The following CHRD variants were observed in gnomAD, a reference collection of about 807,000 sequenced individuals.
CHRD encodes the protein chordin.
CHRD carries 69 observed loss-of-function variants against 113.7 expected under a neutral mutation model. The ratio of observed to expected loss-of-function variants is 0.61; its 90% CI spans 0.50 to 0.74. The LOEUF (loss-of-function observed/expected upper bound fraction) is 0.74, where lower values mean the gene tolerates loss of function less well. Among genes scored for constraint, CHRD ranks in the 30% least tolerant of loss-of-function variants. CHRD has a pLI of 0.00. For synonymous variants in CHRD, 561 were observed against 540.8 expected, an observed-to-expected ratio of 1.04 and a Z score of -0.52; for missense variants, 1,194 against 1,295.8, an observed-to-expected ratio of 0.92 and a Z score of 1.21.
rs1010020967 is a variant in CHRD at position 184,381,579 on chromosome 3, G to T, written c.466G>T (p.Gly156Trp). 1.2e-6 allele frequency: 2 copies of T among 1,608,278 alleles called. No individual in the cohort carries two copies. The highest frequency in any genetic ancestry group is 8.5e-7 in the Non-Finnish European group (1 of 1,177,664). Residue 156 changes from glycine (G) to tryptophan (W), a missense_variant, in exon 4 of 23, where the codon GGG (glycine) becomes TGG (tryptophan). Physicochemically the swap from Gly to Trp is radical, Grantham distance 184 (BLOSUM62 -2). Transcript: ENST00000204604. The surrounding 1 kb of genome is among the most constrained non-coding windows in gnomAD (Gnocchi z 4.7). ...GGAGCATCGCAGTTATAGCGACCGC[G>T]GGGAGCCAGGCGCTGAGGAGCGGGC... is the stretch of plus-strand genomic sequence containing the variant.
Position 184,388,116 on chromosome 3 carries a change from A to G in CHRD, c.2554+83A>G. ...TGGGTGAGGGGAAGGGTGCTCAGTT[A>G]ATTGAGCATTATACTGAGCACTGCT... On this transcript the variant is annotated intron_variant, in intron 20 of 22. Transcript: ENST00000204604. The surrounding 1 kb of genome is among the most constrained non-coding windows in gnomAD (Gnocchi z 6.1). 1 of 1,193,130 alleles carries G rather than the reference A, an allele frequency of 8.4e-7. No individual in the cohort carries two copies. The highest frequency in any genetic ancestry group is 1.3e-5 in the South Asian group (1 of 77,632). The allele number at this position is 1,193,130 out of a possible 1,614,324, so 73.9% of individuals were successfully genotyped here. A position where few individuals can be genotyped will look rare whatever the true frequency, so the allele number is the denominator to read the frequency against.
intron 15 of CHRD, 44 bp from the exon 16 acceptor site, chr3:184,386,448 C>T (rs753353762): frequency 1.9e-5 from 29 of 1,529,924 alleles, no homozygotes; most frequent in South Asian, 8.6e-5. Flanking sequence ...GGTAAAGACG[C>T]GAGGGGGAGC....
Position 184,384,693 on chromosome 3 carries a change from A to G in CHRD, c.1597A>G (p.Thr533Ala). 2 of 1,556,798 alleles carry G rather than the reference A, an allele frequency of 1.3e-6. No individual in the cohort carries two copies. Among genetic ancestry groups the G allele is most frequent in the Non-Finnish European group, 1.7e-6 (2 of 1,152,322 alleles). Residue 533 changes from threonine to alanine, a missense_variant and splice_region_variant, in exon 13 of 23, where the codon ACG becomes GCG. Transcript: ENST00000204604. The surrounding 1 kb of genome is among the most constrained non-coding windows in gnomAD (Gnocchi z 4.4). ...CTGTGGGCATAGCGCCCGCCATGAC[A>G]GTGAGTGTCCTTAGGGGTCTGTCTG...
Position 184,385,253 on chromosome 3 carries a change from G to A in CHRD, c.1818+15G>A, listed in dbSNP as rs747823065. Reference sequence around the variant, plus strand: ...ATGGCTCAGAGGTAAGGATGTGATGGTAGGCGGCAGCTTGGAACATTTCTG... The same window carrying A: ...ATGGCTCAGAGGTAAGGATGTGATGATAGGCGGCAGCTTGGAACATTTCTG... On this transcript the variant is annotated intron_variant, in intron 14 of 22. Transcript: ENST00000204604. 1 of 1,591,464 alleles carries A rather than the reference G, an allele frequency of 6.3e-7. No individual in the cohort carries two copies. The highest frequency in any genetic ancestry group is 1.1e-5 in the South Asian group (1 of 90,688).
rs766987083 is a variant in CHRD at position 184,381,624 on chromosome 3, G to T, written c.511G>T (p.Asp171Tyr). The T allele has an allele frequency of 6.2e-5, 100 of 1,605,568 alleles. No individual in the cohort carries two copies. The highest frequency in any genetic ancestry group is 8.3e-5 in the Non-Finnish European group (97 of 1,175,642). The change falls in exon 4 of 23, where the codon GAC becomes TAC. Residue 171 changes from aspartate to tyrosine, a missense_variant and splice_region_variant. Physicochemically the swap from Asp to Tyr is radical, Grantham distance 160. Transcript: ENST00000204604. This position sits in a 1 kb window ranked among gnomAD's most constrained non-coding sequence, Gnocchi z 4.7. ...GCGGGCCCGTGGTGACGGCCACACG[G>T]GTAGGGGGCTGGCGAACAGCGGGGT...
chr3:184,387,424 C>T lies in CHRD; in HGVS notation c.2398C>T (p.His800Tyr). Residue 800 changes from histidine (H) to tyrosine (Y), a missense_variant, in exon 19 of 23, where the codon CAC (histidine) becomes TAC (tyrosine). Coordinates refer to ENST00000204604, the Ensembl canonical transcript of CHRD. This position sits in a 1 kb window ranked among gnomAD's most constrained non-coding sequence, Gnocchi z 6.1. ...CTGGCGGGCAGCGGGTACGCGGTGGCACCCCGTTGTGCCCCCCTTTGGCTT... is the reference window on the plus strand; with the variant it reads ...CTGGCGGGCAGCGGGTACGCGGTGGTACCCCGTTGTGCCCCCCTTTGGCTT... 1 of 1,612,978 alleles carries T rather than the reference C, an allele frequency of 6.2e-7. No homozygotes were observed. Among genetic ancestry groups the T allele is most frequent in the Non-Finnish European group, 8.5e-7 (1 of 1,179,654 alleles).
chr3:184,386,408 G>C, intron 15 of CHRD, 84 bp from the exon 16 acceptor site: 1 of 1,505,716 alleles, frequency 6.6e-7, no homozygotes, highest in South Asian at 1.3e-5. Context: ...GGGGGCCGAG[G>C]TGTCTCCTGC....
exon 23 of CHRD, chr3:184,389,586 G>C (rs1385110979): frequency 6.2e-6 from 4 of 641,486 alleles, no homozygotes; most frequent in African/African-American, 1.8e-5. Flanking sequence ...AGCTCCACAA[G>C]GGGGAGAGGC....
exon 15 of CHRD, chr3:184,386,118 A>G (rs745692893): frequency 6.2e-7 from 1 of 1,614,152 alleles, no homozygotes. Context: ...CTCCCTGATG[A>G]TCACCACCAA....
In CHRD at chr3:184,380,119, C is replaced by A; in HGVS notation, c.-200C>A. 2 of 144,548 alleles carry A rather than the reference C, an allele frequency of 1.4e-5. No homozygotes were observed. Among genetic ancestry groups the A allele is most frequent in the South Asian group, 3.7e-4 (2 of 5,358 alleles). 9.0% of individuals were successfully genotyped at this position (144,548 alleles called of 1,614,324 possible). ...CCGCGCTCCTCCCGGCCGCTCCTCC[C>A]GCCCCGCCCGGCCCGGCGCCGACTC... On this transcript the variant is annotated 5_prime_UTR_variant, in exon 1 of 23. Coordinates refer to ENST00000204604, the Ensembl canonical transcript of CHRD. The surrounding 1 kb of genome is among the most constrained non-coding windows in gnomAD (Gnocchi z 6.3).
chr3:184,389,893 G>T (rs1285395141), downstream of CHRD: 2 of 160,832 alleles, frequency 1.2e-5, no homozygotes, highest in East Asian at 3.5e-4. Flanking sequence ...AGAAGGGGCA[G>T]AGAGTAGGAG....
chr3:184,382,531 G>A lies in CHRD; in HGVS notation c.841+1G>A, dbSNP rs1244037032. The stretch of plus-strand genomic sequence containing the variant: ...ATCCGGCACCGGGCCCTGGCTGCAG[G>A]TAGGGAGCAAAGAGCCCCGGGCGTG... On this transcript the variant is annotated splice_donor_variant, in intron 7 of 22. Coordinates refer to ENST00000204604, the Ensembl canonical transcript of CHRD. LOFTEE classifies it high-confidence loss of function. 1 of 1,613,790 alleles carries A rather than the reference G, an allele frequency of 6.2e-7. No homozygotes were observed. The highest frequency in any genetic ancestry group is 8.5e-7 in the Non-Finnish European group (1 of 1,179,988).
exon 10 of CHRD, chr3:184,383,160 G>A (rs1354158730): frequency 2.5e-6 from 4 of 1,583,710 alleles, no homozygotes; most frequent in East Asian, 2.3e-5. Context: ...GAAGAGCTGC[G>A]ACGGTGAGGC....
Position 184,384,771 on chromosome 3 carries a change from G to C in CHRD, c.1597+78G>C, listed in dbSNP as rs1192325326. 6.7e-7 allele frequency: 1 copy of C among 1,483,258 alleles called. No individual in the cohort carries two copies. The highest frequency in any genetic ancestry group is 9.0e-7 in the Non-Finnish European group (1 of 1,117,072). 91.9% of individuals were successfully genotyped at this position (1,483,258 alleles called of 1,614,324 possible). ...GATGGTGGCAGACAGCCGGAGCCTG[G>C]TGTGTCTTTCTTTGTGCCTAAGCTC... On this transcript the variant is annotated intron_variant, in intron 13 of 22. Transcript: ENST00000204604. This position sits in a 1 kb window ranked among gnomAD's most constrained non-coding sequence, Gnocchi z 4.4.
intron 12 of CHRD, 95 bp downstream of exon 12, chr3:184,383,737 A>T: frequency 8.3e-7 from 1 of 1,203,390 alleles, no homozygotes; most frequent in Non-Finnish European, 1.1e-6. Context: ...TCATCCACTC[A>T]CTCATGGGTT....
chr3:184,383,288 C>A, intron 10 of CHRD, 24 bp from the exon 11 acceptor site: 1 of 1,606,340 alleles, frequency 6.2e-7, no homozygotes, highest in Non-Finnish European at 8.5e-7. Flanking sequence ...TAAACCTAGC[C>A]TCACCTGTCT....
rs187215373 is a variant in CHRD, at chr3:184,387,559, C to G, written c.2451+82C>G. The G allele has an allele frequency of 6.9e-6, 9 of 1,298,556 alleles. No homozygotes were observed. Among genetic ancestry groups the G allele is most frequent in the East Asian group, 4.9e-5 (2 of 40,556 alleles). The allele number at this position is 1,298,556 out of a possible 1,614,324, so 80.4% of individuals were successfully genotyped here. On this transcript the variant is annotated intron_variant, in intron 19 of 22. Coordinates refer to ENST00000204604, the Ensembl canonical transcript of CHRD. This position sits in a 1 kb window ranked among gnomAD's most constrained non-coding sequence, Gnocchi z 6.1. ...GAGGGGCTGCCAGGTGAGGAAGGCC[C>G]GTCCTTGGTGAGGAGGGCTCAAGAA...
intron 22 of CHRD, 143 bp downstream of exon 22, chr3:184,389,138 C>A: frequency 1.5e-6 from 1 of 677,144 alleles, no homozygotes; most frequent in Non-Finnish European, 2.6e-6. Context: ...ACCCTCACAG[C>A]AACCTGGTGG....
chr3:184,388,462 C>A lies in CHRD; in HGVS notation c.2555-125C>A. 9.4e-7 allele frequency: 1 copy of A among 1,066,780 alleles called. No individual in the cohort carries two copies. The highest frequency in any genetic ancestry group is 2.4e-5 in the East Asian group (1 of 41,778). 66.1% of individuals were successfully genotyped at this position (1,066,780 alleles called of 1,614,324 possible). A position where few individuals can be genotyped will look rare whatever the true frequency, so the allele number is the denominator to read the frequency against. ...CTTCATCCATCCATTCATCTGCCCA[C>A]CCACCCATCCAAATTTATCACCTAC... is the stretch of plus-strand genomic sequence containing the variant. On this transcript the variant is annotated intron_variant, in intron 20 of 22. Transcript: ENST00000204604. The surrounding 1 kb of genome is among the most constrained non-coding windows in gnomAD (Gnocchi z 6.1).
Sources: gnomAD v4.1 joint callset for allele counts on GRCh38, gnomAD v4.1.1 for gene constraint, Gnocchi (gnomAD v3.1) non-coding constraint, MANE v1.5 for transcripts, NCBI Gene and HGNC (gene_info 2026-07-23, HGNC 2026-07-21) for gene names.